The following DRC1 variants were observed in gnomAD, a reference collection of about 807,000 sequenced individuals.
DRC1 encodes the protein dynein regulatory complex protein 1.
Under a neutral mutation model 98.7 loss-of-function variants are expected in DRC1, and 74 were observed. The observed-to-expected ratio is 0.75, with a 90% CI of 0.62 to 0.91. The LOEUF (loss-of-function observed/expected upper bound fraction) is 0.91. Among genes scored for constraint, DRC1 ranks in the 40% least tolerant of loss-of-function variants. DRC1 has a pLI of 0.00. For synonymous variants in DRC1, 336 were observed against 334.1 expected, an observed-to-expected ratio of 1.01 and a Z score of -0.06; for missense variants, 875 against 886.0, an observed-to-expected ratio of 0.99 and a Z score of 0.16.
At chr2:26,429,910 T>C (rs1663389442) in intron 5 of DRC1, 145 bp downstream of exon 5, 9 of 917,462 alleles carry the variant, frequency 9.8e-6, no homozygotes, top group Non-Finnish European at 8.0e-6. Flanking sequence ...TATTAATTTA[T>C]TTACTCATTC....
At chr2:26,434,320 G>A (rs1211873764) in intron 7 of DRC1, among the ~76,000 whole-genome samples, 1 of 152,116 alleles carries the variant, frequency 6.6e-6, no homozygotes, top group Non-Finnish European at 1.5e-5. Flanking sequence ...TACTTAGGGG[G>A]AAACTCCCTA....
At chr2:26,430,729 T>C (rs1416258813) in intron 5 of DRC1, 57 bp from the exon 6 acceptor site, 4 of 1,573,458 alleles carry the variant, frequency 2.5e-6, no homozygotes, top group African/African-American at 1.3e-5. Context: ...TCTTTGACAC[T>C]GGTGGGACCT....
chr2:26,437,503 G>T (rs893091099), intron 7 of DRC1, among the ~76,000 whole-genome samples: 1 of 152,234 alleles, frequency 6.6e-6, no homozygotes. Flanking sequence ...GTGCTGACAG[G>T]ATGGGGTGAG....
chr2:26,438,506 T>A (rs535514407), intron 7 of DRC1, among the ~76,000 whole-genome samples: 4 of 152,322 alleles, frequency 2.6e-5, no homozygotes, highest in Non-Finnish European at 5.9e-5. Context: ...TCATTTACCA[T>A]CTGTTAAAAG....
At chr2:26,450,175 G>A in intron 12 of DRC1, 90 bp downstream of exon 12, 2 of 1,275,716 alleles carry the variant, frequency 1.6e-6, no homozygotes, top group Non-Finnish European at 2.2e-6. Flanking sequence ...CCTGGCAGTG[G>A]ACGAGGGTCT....
At chr2:26,421,588 T>G (rs942414521) in intron 3 of DRC1, among the ~76,000 whole-genome samples, 188 bp downstream of exon 3, 5 of 149,216 alleles carry the variant, frequency 3.4e-5, no homozygotes, top group Non-Finnish European at 7.4e-5. Context: ...GAGACAGAGT[T>G]TCGCTCTTGT....
chr2:26,422,014 T>C (rs1239685458), intron 3 of DRC1, among the ~76,000 whole-genome samples: 1 of 152,104 alleles, frequency 6.6e-6, no homozygotes, highest in East Asian at 1.9e-4. Flanking sequence ...CGTGGTAAAA[T>C]AGATAATGTG....
intron 4 of DRC1, among the ~76,000 whole-genome samples, chr2:26,425,403 T>C (rs1202921578): frequency 6.6e-6 from 1 of 152,204 alleles, no homozygotes; most frequent in Non-Finnish European, 1.5e-5. Context: ...ACGTATCTCT[T>C]TGAGATACTT....
At chr2:26,441,882 T>C (rs1027475737) in intron 8 of DRC1, among the ~76,000 whole-genome samples, 2 of 152,244 alleles carry the variant, frequency 1.3e-5, no homozygotes, top group Non-Finnish European at 1.5e-5. Flanking sequence ...TCTTTTCGTC[T>C]CTTGCTTTCA....
intron 2 of DRC1, among the ~76,000 whole-genome samples, chr2:26,416,634 T>C (rs1320598020): frequency 2.6e-5 from 4 of 152,328 alleles, no homozygotes; most frequent in East Asian, 1.9e-4. Flanking sequence ...GTTTTCTATG[T>C]AGATTTTTAG....
chr2:26,419,136 G>A (rs562826899), intron 2 of DRC1, among the ~76,000 whole-genome samples: 87 of 152,068 alleles, frequency 5.7e-4, no homozygotes, highest in Admixed American at 1.8e-3. Context: ...TGAACCGCCC[G>A]TGTTGGCCTC....
intron 1 of DRC1, among the ~76,000 whole-genome samples, chr2:26,413,800 C>A (rs934678271): frequency 1.3e-5 from 2 of 151,978 alleles, no homozygotes; most frequent in Non-Finnish European, 2.9e-5. Context: ...AAAGTAAAAT[C>A]TTTTAATCTT....
rs761927115 is a variant in DRC1 at position 26,414,409 on chromosome 2, A to G, written c.221A>G (p.Lys74Arg). Residue 74 changes from lysine to arginine, a missense_variant, in exon 2 of 17, where the codon AAA becomes AGA. Transcript: ENST00000288710. ...GAGGAGGATCAAAGCAAGAGCTACA[A>G]ACAGAAAGAAGAAAGCCGATTGGTA... ...ESEEDQSKSY[K>R]QKEESRLKLA... 1.2e-6 allele frequency: 2 copies of G among 1,613,866 alleles called. No individual in the cohort carries two copies. Among genetic ancestry groups the G allele is most frequent in the East Asian group, 2.2e-5 (1 of 44,850 alleles).
intron 6 of DRC1, 78 bp from the exon 7 acceptor site, chr2:26,431,806 T>A: frequency 6.3e-7 from 1 of 1,582,920 alleles, no homozygotes; most frequent in Non-Finnish European, 8.6e-7. Context: ...CCCTGTGTCA[T>A]GCTGGGCAGG....
chr2:26,434,856 A>C (rs1342453798), intron 7 of DRC1, among the ~76,000 whole-genome samples: 1 of 149,568 alleles, frequency 6.7e-6, no homozygotes, highest in Non-Finnish European at 1.5e-5. Context: ...TCACCACTGC[A>C]CTCCAGCCTG....
intron 1 of DRC1, among the ~76,000 whole-genome samples, chr2:26,409,472 TAAC>T (rs955483824): frequency 7.2e-5 from 11 of 152,314 alleles, no homozygotes; most frequent in African/African-American, 2.4e-4. Context: ...GCTGTTTCTT[TAAC>T]AACAACTAGG....
intron 7 of DRC1, among the ~76,000 whole-genome samples, chr2:26,439,658 A>C (rs1465921398): frequency 6.6e-6 from 1 of 151,890 alleles, no homozygotes; most frequent in African/African-American, 2.4e-5. Flanking sequence ...TGGTGTTTTT[A>C]GAGGGGCTAC....
chr2:26,435,106 A>G (rs899399056), intron 7 of DRC1, among the ~76,000 whole-genome samples: 1 of 152,110 alleles, frequency 6.6e-6, no homozygotes, highest in Non-Finnish European at 1.5e-5. Flanking sequence ...AGACTGTTTT[A>G]AATTTCCATC....
intron 7 of DRC1, among the ~76,000 whole-genome samples, chr2:26,439,934 T>TATATATAC (rs1017038187): frequency 9.0e-6 from 1 of 111,662 alleles, no homozygotes; most frequent in African/African-American, 4.1e-5. Context: ...TATATATATA[T>TATATATAC]ATACACACAC....
Sources: allele counts gnomAD v4.1 joint callset (sites outside exome capture counted in the v4.1 genomes callset), GRCh38; gene constraint gnomAD v4.1.1; transcripts MANE v1.5; gene names NCBI Gene and HGNC (gene_info 2026-07-23, HGNC 2026-07-21).